Variants in MED13 observed in about 807,000 individuals in gnomAD.
MED13 encodes mediator of RNA polymerase II transcription subunit 13.
A neutral mutation model predicts 225.2 loss-of-function variants in MED13; 23 were observed. The observed-to-expected ratio is 0.10, with a 90% CI of 0.07 to 0.14. MED13 has a LOEUF of 0.14. Among genes scored for constraint, MED13 ranks in the 10% least tolerant of loss-of-function variants. The probability of loss-of-function intolerance (pLI) is 1.00; values close to 1 mark genes in which losing one functional copy is unlikely to be tolerated. For synonymous variants in MED13, 942 were observed against 889.2 expected (o/e 1.06, Z -1.06); for missense variants, 2,197 against 2,594.5 (o/e 0.85, Z 3.33).
At chr17:62,047,654 C>T (rs914483195) in intron 3 of MED13, among the ~76,000 whole-genome samples, 10 of 151,936 alleles carry the variant, frequency 6.6e-5, no homozygotes, top group East Asian at 1.9e-4. Context: ...CAAACCACCA[C>T]GGCACTTATG....
rs987348237 is a variant in MED13, at chr17:62,043,179, A to G, written c.471-7571T>C. Among the ~76,000 whole-genome samples the G allele has an allele frequency of 3.0e-3, 444 of 149,380 alleles. 3 individuals carry two copies. The highest frequency in any genetic ancestry group is 9.4e-3 in the African/African-American group (384 of 40,818). ...TCCAAAAAAAAAAAAAAAAAAAAAA[A>G]AAAAAGAAAGAAAGAAAGAAAGAAA... On this transcript the variant is annotated intron_variant, in intron 3 of 29. Transcript: ENST00000397786.
rs1453750248 is a variant in MED13, at chr17:61,943,822, G to A, written c.*2646C>T. The A allele has an allele frequency of 6.6e-6, 1 of 152,440 alleles. No homozygotes were observed. The highest frequency in any genetic ancestry group is 2.4e-5 in the African/African-American group (1 of 41,406). 9.4% of individuals were successfully genotyped at this position (152,440 alleles called of 1,614,324 possible). ...TGACAAAATACTGAACTTCCACCCT[G>A]CTTAATAATCATGGATACCTGCACA... On this transcript the variant is annotated 3_prime_UTR_variant, in exon 30 of 30. Transcript: ENST00000397786.
In MED13 at chr17:61,993,709, C is replaced by G. The variant is rs137862048; in HGVS notation, c.2182-1088G>C. Among the ~76,000 whole-genome samples, 348 of 151,844 alleles carry G rather than the reference C, an allele frequency of 2.3e-3. 13 individuals are homozygous for G. In the East Asian group the frequency reaches 0.06, roughly 26 times the overall value. On this transcript the variant is annotated intron_variant, in intron 10 of 29. Transcript: ENST00000397786. The stretch of plus-strand genomic sequence containing the variant: ...CTTTGGGAGGCCGAGGCGGGCGGAT[C>G]ACTTGAGGTCAGCAGTTCAAGACCA...
rs745571684 is a variant in MED13 at position 62,011,105 on chromosome 17, C to T, written c.1412G>A (p.Arg471His). 6.2e-7 allele frequency: 1 copy of T among 1,614,154 alleles called. No individual in the cohort carries two copies. Among genetic ancestry groups the T allele is most frequent in the Non-Finnish European group, 8.5e-7 (1 of 1,180,010 alleles). ...KQEKSEKPQK[R>H]PLTPFHHRVS... Reference sequence around the variant, plus strand: ...ACGATGGTGAAAAGGAGTCAAGGGGCGTTTCTGTGGCTTTTCACTCTTTTC... The same window carrying T: ...ACGATGGTGAAAAGGAGTCAAGGGGTGTTTCTGTGGCTTTTCACTCTTTTC... The change falls in exon 9 of 30, where the codon CGC becomes CAC. Residue 471 changes from arginine (R) to histidine (H), a missense_variant. Physicochemically the swap from Arg to His is conservative, Grantham distance 29. Coordinates refer to ENST00000397786, the MANE Select transcript of MED13 (RefSeq NM_005121.3).
chr17:62,054,836 T>C (rs1448031721), intron 2 of MED13, among the ~76,000 whole-genome samples: 1 of 152,186 alleles, frequency 6.6e-6, no homozygotes, highest in Non-Finnish European at 1.5e-5. Flanking sequence ...TACCTTTTAT[T>C]TCAAAAATCC....
chr17:61,988,982 C>T (rs899337516), intron 11 of MED13, among the ~76,000 whole-genome samples: 4 of 151,938 alleles, frequency 2.6e-5, no homozygotes, highest in Admixed American at 2.6e-4. Context: ...CTCTGGTAAT[C>T]ACCACTTTAC....
At chr17:62,046,890 C>G (rs2080902307) in intron 3 of MED13, among the ~76,000 whole-genome samples, 1 of 151,254 alleles carries the variant, frequency 6.6e-6, no homozygotes, top group African/African-American at 2.4e-5. Flanking sequence ...GGGTCTTGCT[C>G]TGTTGCCCAG....
chr17:61,977,305 G>C (rs2080165546), intron 16 of MED13, among the ~76,000 whole-genome samples: 1 of 152,160 alleles, frequency 6.6e-6, no homozygotes. Context: ...ATTTAAAGGA[G>C]ACAGAGTTAT....
intron 13 of MED13, 42 bp downstream of exon 13, chr17:61,984,958 A>C: frequency 6.2e-7 from 1 of 1,604,692 alleles, no homozygotes; most frequent in Non-Finnish European, 8.5e-7. Context: ...TTGAGATTAA[A>C]AGTTCGCAAA....
At chr17:61,972,608 G>A (rs1302124604) in intron 17 of MED13, 119 bp downstream of exon 17, 14 of 914,070 alleles carry the variant, frequency 1.5e-5, no homozygotes, top group Non-Finnish European at 1.9e-5. Context: ...GGACCACAGT[G>A]GCCTTAAGAA....
intron 4 of MED13, among the ~76,000 whole-genome samples, chr17:62,035,063 G>A (rs1415826809): frequency 6.6e-6 from 1 of 152,132 alleles, no homozygotes; most frequent in Non-Finnish European, 1.5e-5. Context: ...GGAGGTTGCA[G>A]TGAACCAAGA....
rs1466210327 is a variant in MED13 at position 61,992,629 on chromosome 17, CAA to C, written c.2182-10_2182-9del. The stretch of plus-strand genomic sequence containing the variant: ...AGATGTCCCATCTTCTACCTGCAAA[CAA>C]ATATTTCATGTTAGGCTGAAATATA... On this transcript the variant is annotated splice_polypyrimidine_tract_variant and intron_variant, in intron 10 of 29. Transcript: ENST00000397786. The C allele has an allele frequency of 6.3e-7, 1 of 1,578,268 alleles. No homozygotes were observed.
At chr17:62,024,254 G>A (rs781395431) in intron 8 of MED13, among the ~76,000 whole-genome samples, 18 of 152,262 alleles carry the variant, frequency 1.2e-4, no homozygotes, top group Non-Finnish European at 5.9e-5. Flanking sequence ...CTGACCTCAC[G>A]TGATCCACCT....
intron 2 of MED13, among the ~76,000 whole-genome samples, chr17:62,061,620 A>AT (rs1303248507): frequency 3.9e-5 from 6 of 152,180 alleles, no homozygotes; most frequent in African/African-American, 1.4e-4. Flanking sequence ...TAGTAAGGTG[A>AT]TTTTTATGAC....
Position 62,023,782 on chromosome 17 carries a change from T to C in MED13, c.1283+5759A>G, listed in dbSNP as rs572244699. On this transcript the variant is annotated intron_variant, in intron 8 of 29. Transcript: ENST00000397786. ...TATTCTATGGCAAAGAGGATACACATGTAGTAGCTCACTGTCTATCTGTCT... is the reference window on the plus strand; with the variant it reads ...TATTCTATGGCAAAGAGGATACACACGTAGTAGCTCACTGTCTATCTGTCT... Among the ~76,000 whole-genome samples, 4 of 152,316 alleles carry C rather than the reference T, an allele frequency of 2.6e-5. No homozygotes were observed. The South Asian group carries it at 6.2e-4, about 24-fold the overall frequency.
chr17:62,048,840 C>A (rs560682726), intron 3 of MED13, among the ~76,000 whole-genome samples: 4 of 152,236 alleles, frequency 2.6e-5, no homozygotes, highest in African/African-American at 9.6e-5. Flanking sequence ...AAGCTACTCA[C>A]ATACACAGAA....
At chr17:62,061,721 G>A (rs1255386699) in intron 2 of MED13, among the ~76,000 whole-genome samples, 1 of 152,134 alleles carries the variant, frequency 6.6e-6, no homozygotes, top group East Asian at 1.9e-4. Context: ...TAATTAGAAA[G>A]TATTGTCTCG....
At chr17:61,966,029 CA>C (rs2080055004) in intron 19 of MED13, among the ~76,000 whole-genome samples, 1 of 152,038 alleles carries the variant, frequency 6.6e-6, no homozygotes, top group African/African-American at 2.4e-5. Flanking sequence ...ATGTAACAAG[CA>C]AGTCTTAAAC....
intron 6 of MED13, chr17:62,031,214 G>A (rs1455677494): frequency 2.6e-6 from 1 of 390,934 alleles, no homozygotes; most frequent in Non-Finnish European, 4.6e-6. Context: ...ATGTCTGTAG[G>A]TTGTTCTCAA....
Sources: allele counts gnomAD v4.1 joint callset (sites outside exome capture counted in the v4.1 genomes callset), GRCh38; gene constraint gnomAD v4.1.1; transcripts MANE v1.5; gene names NCBI Gene and HGNC (gene_info 2026-07-23, HGNC 2026-07-21).